Variants in KSR1 observed in about 807,000 individuals in gnomAD.
KSR1 encodes kinase suppressor of ras.
A neutral mutation model predicts 92.9 loss-of-function variants in KSR1; 35 were observed. The observed-to-expected ratio is 0.38, with a 90% CI of 0.29 to 0.50. KSR1 has a LOEUF of 0.50. Among genes scored for constraint, KSR1 ranks in the 20% least tolerant of loss-of-function variants. The pLI is 0.94. For synonymous variants in KSR1, 467 were observed against 472.6 expected (o/e 0.99, Z 0.15); for missense variants, 972 against 1,158.5 (o/e 0.84, Z 2.34).
chr17:27,575,586 C>G (rs1406969933), intron 2 of KSR1, among the ~76,000 whole-genome samples: 1 of 152,134 alleles, frequency 6.6e-6, no homozygotes, highest in African/African-American at 2.4e-5. Flanking sequence ...ATTAAGAATG[C>G]CTGACTTCCT....
chr17:27,588,516 G>T lies in KSR1; in HGVS notation c.1027G>T (p.Gly343Trp). 1 of 1,592,564 alleles carries T rather than the reference G, an allele frequency of 6.3e-7. No individual in the cohort carries two copies. The highest frequency in any genetic ancestry group is 2.3e-5 in the East Asian group (1 of 43,968). Residue 343 changes from glycine to tryptophan, a missense_variant, in exon 6 of 21, where the codon GGG (glycine) becomes TGG (tryptophan). This residue lies in a region of KSR1 where 611 missense variants were observed against 668.0 expected (regional missense o/e 0.91). Transcript: ENST00000644974. ...GSPQMVRRDIGLSVTHRFSTK... is the reference protein window; with the variant it reads ...GSPQMVRRDIWLSVTHRFSTK... ...CCCACAGATGGTACGGAGGGATATCGGGCTGTCGGTGACGCACAGGTAGGC... is the reference window on the plus strand; with the variant it reads ...CCCACAGATGGTACGGAGGGATATCTGGCTGTCGGTGACGCACAGGTAGGC...
chr17:27,529,421 A>G (rs937926091), intron 1 of KSR1, among the ~76,000 whole-genome samples: 1 of 152,194 alleles, frequency 6.6e-6, no homozygotes, highest in African/African-American at 2.4e-5. Context: ...CTTTAGGATA[A>G]ATTCCTAGAA....
chr17:27,615,547 C>A (rs905000867), intron 18 of KSR1, among the ~76,000 whole-genome samples: 1 of 152,192 alleles, frequency 6.6e-6, no homozygotes, highest in African/African-American at 2.4e-5. Context: ...AAACACCTTT[C>A]TCATATTCCT....
chr17:27,601,959 G>A (rs2073579317), intron 11 of KSR1: 3 of 1,598,792 alleles, frequency 1.9e-6, no homozygotes, highest in Non-Finnish European at 1.7e-6. Flanking sequence ...AACGCTTTCA[G>A]TAAGTCAATA....
At chr17:27,613,669 G>A (rs530867783) in intron 18 of KSR1, among the ~76,000 whole-genome samples, 3 of 152,294 alleles carry the variant, frequency 2.0e-5, no homozygotes, top group East Asian at 3.9e-4. Flanking sequence ...GGTTCTCCAG[G>A]GACCCTTCTT....
chr17:27,512,901 C>T (rs1407156193), intron 1 of KSR1, among the ~76,000 whole-genome samples: 2 of 152,142 alleles, frequency 1.3e-5, no homozygotes, highest in Admixed American at 6.5e-5. Context: ...CCCTTGTAAC[C>T]ACCGTCCAAG....
intron 7 of KSR1, 62 bp downstream of exon 7, chr17:27,590,956 G>C: frequency 7.3e-7 from 1 of 1,378,586 alleles, no homozygotes; most frequent in Non-Finnish European, 1.0e-6. Flanking sequence ...AATCAAATGC[G>C]CTTCCCTATG....
At chr17:27,596,379 G>C (rs943867332) in intron 9 of KSR1, among the ~76,000 whole-genome samples, 7 of 152,224 alleles carry the variant, frequency 4.6e-5, no homozygotes, top group Non-Finnish European at 8.8e-5. Flanking sequence ...TTGTGTCCAA[G>C]GGCTTCCTAA....
At chr17:27,556,568 G>C (rs2071604089) in intron 2 of KSR1, among the ~76,000 whole-genome samples, 2 of 152,190 alleles carry the variant, frequency 1.3e-5, no homozygotes, top group Non-Finnish European at 2.9e-5. Flanking sequence ...ACCTGGACCA[G>C]ACAGTAAACT....
intron 9 of KSR1, among the ~76,000 whole-genome samples, chr17:27,594,685 G>A (rs1014905575): frequency 3.3e-5 from 5 of 152,156 alleles, no homozygotes; most frequent in Non-Finnish European, 7.4e-5. Context: ...GGCCACACAT[G>A]GTGCTGAGAG....
At chr17:27,524,485 A>G (rs1160293590) in intron 1 of KSR1, among the ~76,000 whole-genome samples, 1 of 152,202 alleles carries the variant, frequency 6.6e-6, no homozygotes, top group Non-Finnish European at 1.5e-5. Context: ...AGGCTGAAGG[A>G]CAGCTAGATC....
rs758402408 is a variant in KSR1, at chr17:27,577,588, T to C, written c.469T>C (p.Cys157Arg). The change falls in exon 3 of 21, where the codon TGT becomes CGT. Residue 157 changes from cysteine (C) to arginine (R), a missense_variant. Cys to Arg is a radical substitution (Grantham distance 180). Around this residue, in one of 5 missense-constraint regions of KSR1, gnomAD observed 611 missense variants for 668.0 expected, o/e 0.91. Coordinates refer to ENST00000644974, the MANE Select transcript of KSR1 (RefSeq NM_001394583.1). This position sits in a 1 kb window ranked among gnomAD's most constrained non-coding sequence, Gnocchi z 4.5. ...GCGCTGTGGGGCCAGCGGGGATGAG[T>C]GTGGCCGTCTGCAGTATGCCCTCAC... Reference protein sequence around the residue: ...LRRCGASGDECGRLQYALTCL... With the variant: ...LRRCGASGDERGRLQYALTCL... The C allele has an allele frequency of 8.7e-6, 14 of 1,600,786 alleles. No individual in the cohort carries two copies. The highest frequency in any genetic ancestry group is 1.2e-5 in the Non-Finnish European group (14 of 1,177,450).
chr17:27,463,313 C>T (rs534219918), intron 1 of KSR1, among the ~76,000 whole-genome samples: 7 of 152,130 alleles, frequency 4.6e-5, no homozygotes, highest in Non-Finnish European at 8.8e-5. Flanking sequence ...AGTTCGAAAC[C>T]AGCCTGGGCA....
chr17:27,562,135 C>T (rs1171178423), intron 2 of KSR1, among the ~76,000 whole-genome samples: 5 of 152,198 alleles, frequency 3.3e-5, no homozygotes, highest in Non-Finnish European at 7.3e-5. Flanking sequence ...CATGAGCCAC[C>T]AGGCCCGGCC....
Position 27,621,946 on chromosome 17 carries a change from C to G in KSR1, c.2708+673C>G, listed in dbSNP as rs774847222. On this transcript the variant is annotated intron_variant, in intron 20 of 20. Coordinates refer to ENST00000644974, the MANE Select transcript of KSR1 (RefSeq NM_001394583.1). ...CTCTGTAGGTTGTAGGCCTGGCTGC[C>G]TTGCATGCACCAGGGGCTTTCTTCC... The G allele has an allele frequency of 1.9e-6, 3 of 1,613,400 alleles. No homozygotes were observed. The South Asian group carries it at 3.3e-5, about 18-fold the overall frequency.
At chr17:27,544,118 A>G (rs1171525021) in intron 1 of KSR1, among the ~76,000 whole-genome samples, 1 of 152,152 alleles carries the variant, frequency 6.6e-6, no homozygotes, top group East Asian at 1.9e-4. Context: ...AGCCTTCACA[A>G]CAGCCTTTTG....
At chr17:27,468,580 T>C (rs2019822200) in intron 1 of KSR1, among the ~76,000 whole-genome samples, 1 of 152,216 alleles carries the variant, frequency 6.6e-6, no homozygotes, top group South Asian at 2.1e-4. Flanking sequence ...TTGGCGATGG[T>C]GGCCCTGGGC....
In KSR1 at chr17:27,605,638, C is replaced by T. The variant is rs1382746652; in HGVS notation, c.1819C>T (p.Arg607Cys). ...GCAGGGCCGCTGGGGCCGGGTGCACCGCGGCCGCTGGCATGGCGAGGTGGC... is the reference window on the plus strand; with the variant it reads ...GCAGGGCCGCTGGGGCCGGGTGCACTGCGGCCGCTGGCATGGCGAGGTGGC... Reference protein sequence around the residue: ...IGQGRWGRVHRGRWHGEVAIR... With the variant: ...IGQGRWGRVHCGRWHGEVAIR... The change falls in exon 14 of 21, where the codon CGC becomes TGC. Residue 607 changes from arginine to cysteine, a missense_variant. Physicochemically the swap from Arg to Cys is radical, Grantham distance 180. Transcript: ENST00000644974. 4.3e-6 allele frequency: 7 copies of T among 1,610,312 alleles called. No homozygotes were observed. The highest frequency in any genetic ancestry group is 3.4e-5 in the Admixed American group (2 of 59,682).
At chr17:27,503,362 G>A (rs941476777) in intron 1 of KSR1, among the ~76,000 whole-genome samples, 11 of 152,288 alleles carry the variant, frequency 7.2e-5, no homozygotes, top group African/African-American at 2.6e-4. Context: ...AGGACCTCCT[G>A]CAACAAAGAA....
Sources: allele counts gnomAD v4.1 joint callset (sites outside exome capture counted in the v4.1 genomes callset), GRCh38; gene constraint gnomAD v4.1.1; regional missense constraint gnomAD v4.1.1; non-coding constraint Gnocchi (gnomAD v3.1); transcripts MANE v1.5; gene names NCBI Gene and HGNC (gene_info 2026-07-23, HGNC 2026-07-21).